Variants in ZSCAN29 observed in about 807,000 individuals in gnomAD.
ZSCAN29 encodes the protein zinc finger and SCAN domain containing 29.
A neutral mutation model predicts 71.9 loss-of-function variants in ZSCAN29; 55 were observed. The observed-to-expected ratio is 0.76, with a 90% CI of 0.62 to 0.96. ZSCAN29 has a LOEUF of 0.96. ZSCAN29 is among the 40% of genes least tolerant of loss of function. ZSCAN29 has a pLI of 0.00. For synonymous variants in ZSCAN29, 351 were observed against 371.6 expected, an observed-to-expected ratio of 0.94 and a Z score of 0.64; for missense variants, 1,042 against 1,042.2, an observed-to-expected ratio of 1.00 and a Z score of 0.00.
chr15:43,367,669 A>G (rs2044053339), intron 3 of ZSCAN29, among the ~76,000 whole-genome samples: 1 of 152,176 alleles, frequency 6.6e-6, no homozygotes, highest in Non-Finnish European at 1.5e-5. Flanking sequence ...TAGTGTTCTC[A>G]ATCATGTTTT....
At chr15:43,368,353 G>A (rs2044060042) in intron 3 of ZSCAN29, among the ~76,000 whole-genome samples, 1 of 70,712 alleles carries the variant, frequency 1.4e-5, no homozygotes, top group South Asian at 4.4e-4. Flanking sequence ...GTGAAACCCC[G>A]TCTCTACTAA....
At chr15:43,364,493 T>A in intron 4 of ZSCAN29, 111 bp from the exon 5 acceptor site, 2 of 1,020,520 alleles carry the variant, frequency 2.0e-6, no homozygotes, top group South Asian at 1.3e-5. Context: ...GGCTCCTAGA[T>A]GAAAAAGTAA....
rs2044035679 is a variant in ZSCAN29 at position 43,366,248 on chromosome 15, GC to G, written c.1083del (p.Glu361AspfsTer28). The G allele has an allele frequency of 6.2e-7, 1 of 1,613,430 alleles. No individual in the cohort carries two copies. Among genetic ancestry groups the G allele is most frequent in the Non-Finnish European group, 8.5e-7 (1 of 1,180,018 alleles). On this transcript the variant is annotated frameshift_variant, in exon 4 of 6. Coordinates refer to ENST00000684362, the MANE Select transcript of ZSCAN29 (RefSeq NM_001372080.1). LOFTEE classifies it high-confidence loss of function. ...GLVGSDAETE[E>X]PGQRGWQHEE... ...TCATGCTGCCAGCCCCTCTGCCCTG[GC>G]TCTTCAGTCTCAGCATCGCTGCCTA... is the stretch of plus-strand genomic sequence containing the variant.
At chr15:43,368,596 A>G (rs2044062707) in intron 3 of ZSCAN29, among the ~76,000 whole-genome samples, 1 of 151,724 alleles carries the variant, frequency 6.6e-6, no homozygotes, top group South Asian at 2.1e-4. Context: ...GGTAACAAAT[A>G]TAGTTTAATT....
chr15:43,368,085 G>A (rs1028608077), intron 3 of ZSCAN29, among the ~76,000 whole-genome samples: 1 of 152,192 alleles, frequency 6.6e-6, no homozygotes, highest in South Asian at 2.1e-4. Context: ...ACTGATACAA[G>A]ACATTGCAAG....
chr15:43,367,533 C>G (rs896491721), intron 3 of ZSCAN29, among the ~76,000 whole-genome samples: 5 of 152,296 alleles, frequency 3.3e-5, no homozygotes, highest in African/African-American at 7.2e-5. Context: ...CCTCAAGAAG[C>G]CTTACCGTCA....
chr15:43,367,430 C>T (rs921654716), intron 3 of ZSCAN29, among the ~76,000 whole-genome samples: 2 of 152,294 alleles, frequency 1.3e-5, no homozygotes, highest in East Asian at 3.9e-4. Context: ...CTTCAGAACA[C>T]AGCACACTGT....
intron 3 of ZSCAN29, among the ~76,000 whole-genome samples, chr15:43,367,938 A>G (rs1442127911): frequency 2.0e-5 from 3 of 152,252 alleles, no homozygotes; most frequent in African/African-American, 7.2e-5. Flanking sequence ...ATGGAGATCA[A>G]TAGACTACAA....
chr15:43,362,428 A>C (rs912398212), intron 5 of ZSCAN29, among the ~76,000 whole-genome samples: 1 of 152,190 alleles, frequency 6.6e-6, no homozygotes, highest in African/African-American at 2.4e-5. Flanking sequence ...TTCCCCTCAC[A>C]TTCCAATATA....
In ZSCAN29 at chr15:43,360,996, T is replaced by C; in HGVS notation, c.*77A>G. ...CCTAAGCTAACTGGACACAGAATAG[T>C]AGATGAATCTCACTATTGGAAGACT... is the stretch of plus-strand genomic sequence containing the variant. On this transcript the variant is annotated 3_prime_UTR_variant, in exon 6 of 6. Transcript: ENST00000684362. 6.7e-7 allele frequency: 1 copy of C among 1,494,198 alleles called. No homozygotes were observed. The highest frequency in any genetic ancestry group is 9.0e-7 in the Non-Finnish European group (1 of 1,116,440). The allele number at this position is 1,494,198 out of a possible 1,614,324, so 92.6% of individuals were successfully genotyped here.
intron 5 of ZSCAN29, 94 bp downstream of exon 5, chr15:43,363,820 TG>T: frequency 8.3e-7 from 1 of 1,209,864 alleles, no homozygotes; most frequent in Non-Finnish European, 1.1e-6. Context: ...CCATGAAAGC[TG>T]GGTGTAGAGG....
chr15:43,368,023 CAG>C (rs2044056189), intron 3 of ZSCAN29, among the ~76,000 whole-genome samples: 1 of 152,058 alleles, frequency 6.6e-6, no homozygotes, highest in Non-Finnish European at 1.5e-5. Flanking sequence ...GGAAAGCTAT[CAG>C]AGTCCTGGAA....
intron 3 of ZSCAN29, 56 bp downstream of exon 3, chr15:43,368,867 C>T (rs2044065391): frequency 1.3e-5 from 19 of 1,489,534 alleles, no homozygotes; most frequent in Non-Finnish European, 1.7e-5. Context: ...CTATTCCCAA[C>T]CCTACTTCCC....
rs2043981367 is a variant in ZSCAN29 at position 43,361,561 on chromosome 15, C to T, written c.2071G>A (p.Ala691Thr). 1 of 1,613,910 alleles carries T rather than the reference C, an allele frequency of 6.2e-7. No homozygotes were observed. Among genetic ancestry groups the T allele is most frequent in the South Asian group, 1.1e-5 (1 of 91,084 alleles). ...ADCGKSFSRS[A>T]RLIRHRRIHT... ...ATTCTCCGGTGTCTAATGAGTCGTG[C>T]ACTCCGACTGAAGCTTTTCCCACAA... The change falls in exon 6 of 6, where the codon GCA (alanine) becomes ACA (threonine). Residue 691 changes from alanine to threonine, a missense_variant. Coordinates refer to ENST00000684362, the MANE Select transcript of ZSCAN29 (RefSeq NM_001372080.1).
chr15:43,363,865 C>T, intron 5 of ZSCAN29, 50 bp downstream of exon 5: 2 of 1,506,856 alleles, frequency 1.3e-6, no homozygotes, highest in Non-Finnish European at 1.8e-6. Flanking sequence ...TTTCCTAAGT[C>T]CCATTGTCTT....
Position 43,364,010 on chromosome 15 carries a change from GCCT to G in ZSCAN29, c.1592_1594del (p.Glu531del). ...ATCATCATCAGAATCTTCCTCTGTG[GCCT>G]CGTCTGCTTCCTCAGCTTGCTTCTG... On this transcript the variant is annotated inframe_deletion, in exon 5 of 6. Transcript: ENST00000684362. 6.2e-7 allele frequency: 1 copy of G among 1,614,094 alleles called. No individual in the cohort carries two copies. Among genetic ancestry groups the G allele is most frequent in the African/African-American group, 1.3e-5 (1 of 75,016 alleles).
chr15:43,364,376 T>G lies in ZSCAN29; in HGVS notation c.1229A>C (p.His410Pro), dbSNP rs1412093546. Residue 410 changes from histidine to proline, a missense_variant, in exon 5 of 6, where the codon CAC (histidine) becomes CCC (proline). His to Pro is a moderately conservative substitution (Grantham distance 77). Transcript: ENST00000684362. ...PVVFRSPGGV[H>P]WGYEETKTYL... The stretch of plus-strand genomic sequence containing the variant: ...AGTCTTGGTCTCTTCATAGCCCCAG[T>G]GTACACCTGCCACCAGAAGAGAAAT... The G allele has an allele frequency of 1.2e-6, 2 of 1,613,418 alleles. No individual in the cohort carries two copies. Among genetic ancestry groups the G allele is most frequent in the African/African-American group, 2.7e-5 (2 of 74,918 alleles).
Position 43,364,198 on chromosome 15 carries a change from T to C in ZSCAN29, c.1407A>G (p.Gln469=). The C allele has an allele frequency of 1.2e-6, 2 of 1,614,214 alleles. No homozygotes were observed. The highest frequency in any genetic ancestry group is 1.7e-6 in the Non-Finnish European group (2 of 1,180,038). The part of the protein sequence containing the change: ...EQCRTKFKSL[Q]TSYRKVKNGQ... Reference sequence around the variant, plus strand: ...CATTCTTAACTTTCCGATAGCTGGTTTGCAGGCTTTTAAACTTGGTCCGAC... The same window carrying C: ...CATTCTTAACTTTCCGATAGCTGGTCTGCAGGCTTTTAAACTTGGTCCGAC... The change falls in exon 5 of 6, where the codon CAA becomes CAG. Residue 469 remains glutamine (Q), a synonymous_variant. Coordinates refer to ENST00000684362, the MANE Select transcript of ZSCAN29 (RefSeq NM_001372080.1).
Position 43,366,375 on chromosome 15 carries a change from C to T in ZSCAN29, c.957G>A (p.Glu319=), listed in dbSNP as rs1479893306. ...CCATCTCTTCAAAGAAGGGGCAGGT[C>T]TCAGGTGGGTGGCCGCTCTTGACTT... ...YRKVKSGHPP[E]TCPFFEEMEA... is the part of the protein sequence containing the mutation. The change falls in exon 4 of 6, where the codon GAG becomes GAA. Residue 319 remains glutamate, a synonymous_variant. Coordinates refer to ENST00000684362, the MANE Select transcript of ZSCAN29 (RefSeq NM_001372080.1). The T allele has an allele frequency of 1.1e-5, 17 of 1,614,092 alleles. No individual in the cohort carries two copies. In the East Asian group the frequency reaches 3.3e-4, roughly 32 times the overall value.
Sources: allele counts gnomAD v4.1 joint callset (sites outside exome capture counted in the v4.1 genomes callset), GRCh38; gene constraint gnomAD v4.1.1; transcripts MANE v1.5; gene names NCBI Gene and HGNC (gene_info 2026-07-23, HGNC 2026-07-21).